TBC1D15: variants seen among roughly 807,000 people sequenced by gnomAD.
The protein encoded by TBC1D15 is TBC1 domain family member 15.
TBC1D15 carries 39 observed loss-of-function variants against 95.4 expected under a neutral mutation model. The observed-to-expected ratio is 0.41, with a 90% CI of 0.32 to 0.53. The LOEUF (loss-of-function observed/expected upper bound fraction) is 0.53. Among genes scored for constraint, TBC1D15 ranks in the 20% least tolerant of loss-of-function variants. The probability of loss-of-function intolerance (pLI) is 0.29; values close to 1 mark genes in which losing one functional copy is unlikely to be tolerated. For missense variants in TBC1D15, 733 were observed against 794.3 expected (o/e 0.92, Z 0.93); for synonymous variants, 258 against 261.3 (o/e 0.99, Z 0.12).
intron 11 of TBC1D15, 87 bp downstream of exon 11, chr12:71,907,225 A>G: frequency 1.4e-6 from 1 of 713,174 alleles, no homozygotes; most frequent in Non-Finnish European, 2.2e-6. Flanking sequence ...CATGGGTAAT[A>G]GCTTTGTAGG....
chr12:71,868,188 A>G (rs1324772702), intron 1 of TBC1D15, among the ~76,000 whole-genome samples: 1 of 152,138 alleles, frequency 6.6e-6, no homozygotes, highest in Non-Finnish European at 1.5e-5. Flanking sequence ...TTGTTCCTCA[A>G]AAAGGGCTGA....
intron 8 of TBC1D15, 200 bp from the exon 9 acceptor site, chr12:71,896,477 G>A: frequency 1.8e-6 from 1 of 565,578 alleles, no homozygotes; most frequent in South Asian, 2.3e-5. Context: ...TGTATTCTGT[G>A]CACTGTTTAA....
Position 71,852,424 on chromosome 12 carries a change from G to A in TBC1D15, c.30+12613G>A, listed in dbSNP as rs150005435. Among the ~76,000 whole-genome samples the A allele has an allele frequency of 7.2e-3, 1,090 of 152,312 alleles. 17 individuals are homozygous for A. Among genetic ancestry groups the A allele is most frequent in the African/African-American group, 0.025 (1,025 of 41,544 alleles). ...TTGGCTATCAGCACTTGCCTTTCTG[G>A]TAGTTATGCAAATTTCTGCGGTGAG... On this transcript the variant is annotated intron_variant, in intron 1 of 16. Coordinates refer to ENST00000485960, the MANE Select transcript of TBC1D15 (RefSeq NM_001146213.3).
At chr12:71,877,496 TTTCC>T (rs200912836) in intron 3 of TBC1D15, among the ~76,000 whole-genome samples, 16,298 of 88,224 alleles carry the variant, frequency 0.18, 1,568 homozygotes, top group Middle Eastern at 0.26. Flanking sequence ...CTTTCCTGTT[TTTCC>T]TTCCTTCCTT....
chr12:71,840,912 G>A (rs1178191125), intron 1 of TBC1D15, among the ~76,000 whole-genome samples: 2 of 152,090 alleles, frequency 1.3e-5, no homozygotes, highest in African/African-American at 2.4e-5. Context: ...TTCTTTATCT[G>A]TAGAATGGAG....
At chr12:71,899,228 C>A (rs910214291) in intron 10 of TBC1D15, among the ~76,000 whole-genome samples, 1 of 152,158 alleles carries the variant, frequency 6.6e-6, no homozygotes, top group Non-Finnish European at 1.5e-5. Flanking sequence ...CTGATCCTTT[C>A]CAGGAGACTG....
At chr12:71,871,539 C>T (rs966473645) in intron 1 of TBC1D15, among the ~76,000 whole-genome samples, 22 of 151,984 alleles carry the variant, frequency 1.4e-4, no homozygotes, top group Non-Finnish European at 2.6e-4. Context: ...ATTTTCAATT[C>T]GAGCTCAGTA....
intron 10 of TBC1D15, among the ~76,000 whole-genome samples, chr12:71,899,279 T>A (rs1396240873): frequency 1.3e-5 from 2 of 152,186 alleles, no homozygotes; most frequent in African/African-American, 4.8e-5. Context: ...TAATGTAATT[T>A]GAATTGAGAC....
At position 71,868,305 on chromosome 12, in the gene TBC1D15, G is replaced by A. The variant is rs115004108; in HGVS notation, c.31-3765G>A. Among the ~76,000 whole-genome samples the A allele has an allele frequency of 5.0e-3, 752 of 149,988 alleles. 6 individuals are homozygous for A. The highest frequency in any genetic ancestry group is 0.017 in the African/African-American group (701 of 40,546). ...CTGTCTCCCAGGCTTGAGTGCGGTA[G>A]CACGATCTCGGCTCACCGCAAGCTC... On this transcript the variant is annotated intron_variant, in intron 1 of 16. Transcript: ENST00000485960.
At chr12:71,888,647 A>T (rs1372261356) in intron 5 of TBC1D15, among the ~76,000 whole-genome samples, 3 of 152,148 alleles carry the variant, frequency 2.0e-5, no homozygotes, top group Admixed American at 2.0e-4. Flanking sequence ...GAATGAGAGC[A>T]GAATGAAAGC....
chr12:71,918,594 GAAAC>G (rs1868256538), intron 14 of TBC1D15, 46 bp downstream of exon 14: 1 of 1,252,528 alleles, frequency 8.0e-7, no homozygotes, highest in Non-Finnish European at 1.1e-6. Flanking sequence ...ATTATGAAAA[GAAAC>G]AATTTATTCT....
chr12:71,912,190 TC>T (rs1902539629), intron 11 of TBC1D15, among the ~76,000 whole-genome samples: 1 of 152,310 alleles, frequency 6.6e-6, no homozygotes, highest in African/African-American at 2.4e-5. Flanking sequence ...TAGTCTTCCA[TC>T]TATCTTATTC....
intron 3 of TBC1D15, among the ~76,000 whole-genome samples, chr12:71,879,694 A>G (rs1213791393): frequency 4.6e-5 from 7 of 151,884 alleles, no homozygotes; most frequent in African/African-American, 9.7e-5. Context: ...ACATCTTTCT[A>G]TGTTTATTAC....
At chr12:71,870,580 A>G (rs750934963) in intron 1 of TBC1D15, among the ~76,000 whole-genome samples, 2 of 152,210 alleles carry the variant, frequency 1.3e-5, no homozygotes, top group Non-Finnish European at 2.9e-5. Flanking sequence ...GAGAGGCAGT[A>G]AAAGTAATGT....
chr12:71,908,193 G>A (rs1165693412), intron 11 of TBC1D15, among the ~76,000 whole-genome samples: 1 of 151,986 alleles, frequency 6.6e-6, no homozygotes, highest in Non-Finnish European at 1.5e-5. Flanking sequence ...AAGAACTGAC[G>A]GTGGAAGTAG....
chr12:71,868,321 C>T (rs962542841), intron 1 of TBC1D15, among the ~76,000 whole-genome samples: 3 of 151,626 alleles, frequency 2.0e-5, no homozygotes, highest in Admixed American at 6.6e-5. Flanking sequence ...TCTCGGCTCA[C>T]CGCAAGCTCT....
chr12:71,855,346 G>T (rs1000106065), intron 1 of TBC1D15, among the ~76,000 whole-genome samples: 2 of 152,014 alleles, frequency 1.3e-5, no homozygotes, highest in East Asian at 3.9e-4. Flanking sequence ...GTAATTTTTA[G>T]CATTTTTGTT....
intron 6 of TBC1D15, 83 bp downstream of exon 6, chr12:71,893,407 C>A: frequency 2.5e-6 from 2 of 810,406 alleles, no homozygotes; most frequent in South Asian, 2.1e-5. Context: ...AGAGAGTATG[C>A]AAAATGAGAC....
intron 1 of TBC1D15, 78 bp downstream of exon 1, chr12:71,839,889 GA>G: frequency 6.5e-7 from 1 of 1,538,644 alleles, no homozygotes; most frequent in Non-Finnish European, 9.0e-7. Context: ...CTGGTTGGGG[GA>G]GGGACACGAG....
Sources: allele counts gnomAD v4.1 joint callset (sites outside exome capture counted in the v4.1 genomes callset), GRCh38; gene constraint gnomAD v4.1.1; transcripts MANE v1.5; gene names NCBI Gene and HGNC (gene_info 2026-07-23, HGNC 2026-07-21).